The following CHRDL1 variants were observed in gnomAD, a reference collection of about 807,000 sequenced individuals.
CHRDL1 encodes the protein chordin like 1.
A neutral mutation model predicts 40.9 loss-of-function variants in CHRDL1; 19 were observed. That is an observed-to-expected ratio of 0.46 (90% CI 0.32 to 0.68). The LOEUF (loss-of-function observed/expected upper bound fraction) is 0.68, where lower values mean the gene tolerates loss of function less well. Ranked by LOEUF, CHRDL1 falls within the 30% of genes least tolerant of loss-of-function variation. The pLI, the probability that CHRDL1 is intolerant of heterozygous loss-of-function variation, is 0.03. For missense variants in CHRDL1, 329 were observed against 352.1 expected, an observed-to-expected ratio of 0.93 and a Z score of 0.53; for synonymous variants, 136 against 123.4, an observed-to-expected ratio of 1.10 and a Z score of -0.68.
chrX:110,762,267 G>A (rs985667147), intron 3 of CHRDL1, among the ~76,000 whole-genome samples: 38 of 111,578 alleles, frequency 3.4e-4, no homozygotes, highest in African/African-American at 1.0e-3. Flanking sequence ...TCTTGCAATC[G>A]TCTTCTTACT....
intron 4 of CHRDL1, among the ~76,000 whole-genome samples, chrX:110,750,325 G>C: frequency 9.0e-6 from 1 of 111,437 alleles, no homozygotes; most frequent in Non-Finnish European, 1.9e-5. Context: ...GTGGGGGTGG[G>C]CTTGGGCAAA....
intron 4 of CHRDL1, among the ~76,000 whole-genome samples, chrX:110,756,538 C>T (rs1202028928): frequency 9.0e-6 from 1 of 111,222 alleles, no homozygotes; most frequent in Non-Finnish European, 1.9e-5. Context: ...TTATCAGAGA[C>T]TAGTAGTGCA....
chrX:110,721,444 C>T lies in CHRDL1; in HGVS notation c.388G>A (p.Val130Ile), dbSNP rs749004256. ...GTTYQHGELF[V>I]AEGLFQNRQP... is the part of the protein sequence containing the mutation. The stretch of plus-strand genomic sequence containing the variant: ...CGATTCTGAAAGAGCCCTTCAGCTA[C>T]GAACAGCTCTCCATGTTGGTAAGTT... The change falls in exon 5 of 12, where the codon GTA becomes ATA. Residue 130 changes from valine to isoleucine, a missense_variant. By Grantham distance (29) the Val-to-Ile change is conservative (BLOSUM62 3). Coordinates refer to ENST00000372042, the MANE Select transcript of CHRDL1 (RefSeq NM_001143981.2). 1.1e-5 allele frequency: 13 copies of T among 1,206,719 alleles called. No homozygotes were observed. The highest frequency in any genetic ancestry group is 4.4e-5 in the Admixed American group (2 of 45,821).
At chrX:110,678,561 C>A (rs948688071) in intron 11 of CHRDL1, among the ~76,000 whole-genome samples, 2 of 111,271 alleles carry the variant, frequency 1.8e-5, no homozygotes, top group Admixed American at 9.6e-5. Context: ...TTTCAAAACA[C>A]ACCTCCTCCC....
chrX:110,689,959 C>CTATATATCTA, intron 8 of CHRDL1, among the ~76,000 whole-genome samples: 1 of 13,488 alleles, frequency 7.4e-5, no homozygotes, highest in South Asian at 1.6e-3. Context: ...CTATATATAT[C>CTATATATCTA]TATATATCTA....
intron 3 of CHRDL1, among the ~76,000 whole-genome samples, chrX:110,761,424 A>G (rs1213518001): frequency 8.9e-6 from 1 of 111,828 alleles, no homozygotes; most frequent in East Asian, 2.8e-4. Flanking sequence ...ATGAGGGAAG[A>G]GGTGCAGTCC....
intron 2 of CHRDL1, among the ~76,000 whole-genome samples, chrX:110,789,505 T>C (rs916308785): frequency 2.9e-4 from 32 of 112,248 alleles, no homozygotes; most frequent in African/African-American, 9.4e-4. Context: ...CCTCAATATC[T>C]ACAAATATAG....
chrX:110,709,929 G>A (rs769954911), intron 6 of CHRDL1, among the ~76,000 whole-genome samples: 2 of 111,513 alleles, frequency 1.8e-5, no homozygotes, highest in Non-Finnish European at 3.8e-5. Flanking sequence ...TTGAACCCAG[G>A]AGGCAGAGGT....
intron 4 of CHRDL1, among the ~76,000 whole-genome samples, chrX:110,731,939 A>C (rs1265114385): frequency 1.8e-5 from 2 of 110,119 alleles, no homozygotes; most frequent in Non-Finnish European, 3.8e-5. Context: ...ACAACATAAA[A>C]GGGTGAATTT....
chrX:110,699,020 T>C (rs750527816), intron 7 of CHRDL1, among the ~76,000 whole-genome samples: 1 of 111,962 alleles, frequency 8.9e-6, no homozygotes, highest in South Asian at 3.8e-4. Flanking sequence ...ATAAAGCAGA[T>C]AGAGTTGGGT....
chrX:110,693,179 T>C, intron 8 of CHRDL1, among the ~76,000 whole-genome samples: 1 of 108,425 alleles, frequency 9.2e-6, no homozygotes, highest in South Asian at 4.1e-4. Flanking sequence ...AGGGGGCGGG[T>C]GGAGGCCAGA....
intron 4 of CHRDL1, among the ~76,000 whole-genome samples, chrX:110,753,112 G>A (rs1176997781): frequency 2.7e-5 from 3 of 111,966 alleles, no homozygotes; most frequent in Admixed American, 9.5e-5. Flanking sequence ...ATAAATGTCC[G>A]TAGCAGCGTT....
At chrX:110,756,805 C>T (rs1024370934) in intron 4 of CHRDL1, among the ~76,000 whole-genome samples, 2 of 111,578 alleles carry the variant, frequency 1.8e-5, no homozygotes, top group African/African-American at 3.3e-5. Flanking sequence ...TCAAGAAACC[C>T]AACAAAGGTG....
chrX:110,731,852 T>C (rs1282259300), intron 4 of CHRDL1, among the ~76,000 whole-genome samples: 2 of 110,960 alleles, frequency 1.8e-5, no homozygotes, highest in African/African-American at 3.3e-5. Flanking sequence ...GGGATTCTTT[T>C]AGAGATGACG....
chrX:110,727,362 C>T (rs1205837368), intron 4 of CHRDL1, among the ~76,000 whole-genome samples: 1 of 112,274 alleles, frequency 8.9e-6, no homozygotes, highest in Admixed American at 9.4e-5. Flanking sequence ...ATACCTCTTA[C>T]TTTGTTAGTG....
At chrX:110,760,593 C>T (rs1405901304) in intron 3 of CHRDL1, among the ~76,000 whole-genome samples, 1 of 111,609 alleles carries the variant, frequency 9.0e-6, no homozygotes, top group African/African-American at 3.3e-5. Flanking sequence ...GACATCAAAG[C>T]CTCAGCTCCC....
rs776525855 is a variant in CHRDL1 at position 110,701,463 on chromosome X, A to T, written c.542-742T>A. On this transcript the variant is annotated intron_variant, in intron 6 of 11. Coordinates refer to ENST00000372042, the MANE Select transcript of CHRDL1 (RefSeq NM_001143981.2). Reference sequence around the variant, plus strand: ...CATATATTTTATAAGATAACCAGAAACACAAAAAAGTGTAAGTACTAAGAA... The same window carrying T: ...CATATATTTTATAAGATAACCAGAATCACAAAAAAGTGTAAGTACTAAGAA... Among the ~76,000 whole-genome samples, 3 of 111,848 alleles carry T rather than the reference A, an allele frequency of 2.7e-5. No individual in the cohort carries two copies. The South Asian group carries it at 1.1e-3, about 42-fold the overall frequency.
At chrX:110,786,785 A>G (rs1219775412) in intron 2 of CHRDL1, among the ~76,000 whole-genome samples, 1 of 112,338 alleles carries the variant, frequency 8.9e-6, no homozygotes, top group East Asian at 2.8e-4. Flanking sequence ...TAGGTTCCTG[A>G]AAAATTTTTA....
At chrX:110,750,319 G>C (rs995488660) in intron 4 of CHRDL1, among the ~76,000 whole-genome samples, 2 of 111,444 alleles carry the variant, frequency 1.8e-5, no homozygotes, top group African/African-American at 6.5e-5. Flanking sequence ...AGGGAAGTGG[G>C]GGTGGGCTTG....
Sources: gnomAD v4.1 joint callset for allele counts (sites outside exome capture counted in the v4.1 genomes callset) on GRCh38, gnomAD v4.1.1 for gene constraint, MANE v1.5 for transcripts, NCBI Gene and HGNC (gene_info 2026-07-23, HGNC 2026-07-21) for gene names.